PRKDC: variants seen among roughly 807,000 people sequenced by gnomAD.
The protein encoded by PRKDC is DNA-dependent protein kinase catalytic subunit.
Under a neutral mutation model 486.9 loss-of-function variants are expected in PRKDC, and 82 were observed. The observed-to-expected ratio is 0.17, with a 90% confidence interval of 0.14 to 0.20. PRKDC has a LOEUF of 0.20. PRKDC is among the 10% of genes least tolerant of loss of function. The pLI, the probability that PRKDC is intolerant of heterozygous loss-of-function variation, is 1.00. For missense variants in PRKDC, 4,504 were observed against 5,038.2 expected (o/e 0.89, Z 3.21); for synonymous variants, 1,895 against 1,837.0 (o/e 1.03, Z -0.81).
chr8:47,890,517 C>T (rs1357477618), intron 31 of PRKDC, 37 bp from the exon 32 acceptor site: 4 of 1,400,760 alleles, frequency 2.9e-6, no homozygotes, highest in Middle Eastern at 4.4e-4. Context: ...ATATATGCTT[C>T]CTTTCAACTC....
chr8:47,782,289 C>T lies in PRKDC; in HGVS notation c.11397-35G>A. On this transcript the variant is annotated intron_variant, in intron 79 of 85. Transcript: ENST00000314191. This position sits in a 1 kb window ranked among gnomAD's most constrained non-coding sequence, Gnocchi z 4.9. The stretch of plus-strand genomic sequence containing the variant: ...AGAATAAAAGGTTAACGAGTAAACC[C>T]AAACTGCTCTTTCTTCACTAGAAAA... 6.2e-7 allele frequency: 1 copy of T among 1,610,832 alleles called. No individual in the cohort carries two copies. The highest frequency in any genetic ancestry group is 8.5e-7 in the Non-Finnish European group (1 of 1,177,032).
intron 29 of PRKDC, 110 bp downstream of exon 29, chr8:47,898,360 T>C (rs1419455972): frequency 3.5e-6 from 3 of 848,404 alleles, no homozygotes; most frequent in Non-Finnish European, 5.5e-6. Flanking sequence ...ATTCCTTGTT[T>C]AGGAAGTAAT....
intron 54 of PRKDC, among the ~76,000 whole-genome samples, chr8:47,846,476 A>G (rs946489028): frequency 2.0e-5 from 3 of 152,072 alleles, no homozygotes; most frequent in Non-Finnish European, 2.9e-5. Context: ...AAAACCCTCA[A>G]CAAACCAGGC....
At chr8:47,793,083 T>C (rs1416464652) in intron 74 of PRKDC, among the ~76,000 whole-genome samples, 1 of 152,214 alleles carries the variant, frequency 6.6e-6, no homozygotes, top group South Asian at 2.1e-4. Context: ...GAGATCTCAC[T>C]ATGTTGCCAA....
chr8:47,931,493 C>G (rs895441959), intron 16 of PRKDC, among the ~76,000 whole-genome samples: 2 of 150,982 alleles, frequency 1.3e-5, no homozygotes, highest in Admixed American at 6.6e-5. Context: ...TCCCTTTGGG[C>G]AAGTTTTTTT....
chr8:47,798,204 T>A, intron 73 of PRKDC, 33 bp downstream of exon 73: 1 of 1,596,826 alleles, frequency 6.3e-7, no homozygotes, highest in Non-Finnish European at 8.5e-7. Flanking sequence ...TTCTGTAAAG[T>A]TCCTTACCGC....
Position 47,935,050 on chromosome 8 carries a change from C to A in PRKDC, c.1456G>T (p.Gly486Cys). ...RNCISTVVHQ[G>C]LIRICSKPVV... The stretch of plus-strand genomic sequence containing the variant: ...GGTTTAGAACATATTCTGATTAAAC[C>A]CTGATGCACTGAAAAAAGAAAAAGA... The change falls in exon 14 of 86, where the codon GGT becomes TGT. Residue 486 changes from glycine (G) to cysteine (C), a missense_variant. Gly to Cys is a radical substitution (Grantham distance 159). This residue lies in a region of PRKDC where 1,969 missense variants were observed against 2,068.9 expected (regional missense o/e 0.95). Transcript: ENST00000314191. 1 of 1,505,148 alleles carries A rather than the reference C, an allele frequency of 6.6e-7. No homozygotes were observed. The highest frequency in any genetic ancestry group is 8.9e-7 in the Non-Finnish European group (1 of 1,119,790). The allele number at this position is 1,505,148 out of a possible 1,614,324, so 93.2% of individuals were successfully genotyped here.
intron 49 of PRKDC, among the ~76,000 whole-genome samples, chr8:47,856,287 G>A (rs186921826): frequency 1.3e-5 from 2 of 152,244 alleles, no homozygotes; most frequent in Non-Finnish European, 2.9e-5. Flanking sequence ...AGCTACAGTA[G>A]TGCCATTTCA....
Position 47,777,657 on chromosome 8 carries a change from G to C in PRKDC, c.12042+29C>G. 1.9e-6 allele frequency: 3 copies of C among 1,544,288 alleles called. No individual in the cohort carries two copies. In the South Asian group the frequency reaches 3.8e-5, roughly 19 times the overall value. On this transcript the variant is annotated intron_variant, in intron 84 of 85. Coordinates refer to ENST00000314191, the MANE Select transcript of PRKDC (RefSeq NM_006904.7). ...TGATCACGGGGACACTGTCACAAAA[G>C]TGAAAAGTGCACATGAAACAAAACC...
chr8:47,894,130 A>T (rs2089524866), intron 30 of PRKDC, among the ~76,000 whole-genome samples: 1 of 151,996 alleles, frequency 6.6e-6, no homozygotes, highest in Non-Finnish European at 1.5e-5. Flanking sequence ...AAAATACAAA[A>T]ATCAGCCAGG....
chr8:47,890,628 T>C (rs1416202826), intron 31 of PRKDC, 148 bp from the exon 32 acceptor site: 2 of 549,772 alleles, frequency 3.6e-6, no homozygotes, highest in Non-Finnish European at 3.2e-6. Context: ...TAATAATAGC[T>C]GAATAAAGTG....
At chr8:47,951,674 A>G (rs1270542400) in intron 7 of PRKDC, among the ~76,000 whole-genome samples, 4 of 152,178 alleles carry the variant, frequency 2.6e-5, no homozygotes, top group Admixed American at 1.3e-4. Flanking sequence ...TGTTTGAGCC[A>G]CTGCTCTCCA....
intron 7 of PRKDC, among the ~76,000 whole-genome samples, chr8:47,946,893 C>G (rs945563638): frequency 3.3e-5 from 5 of 152,182 alleles, no homozygotes; most frequent in African/African-American, 4.8e-5. Flanking sequence ...CAATCCTACA[C>G]TAACTCACAT....
intron 66 of PRKDC, among the ~76,000 whole-genome samples, chr8:47,819,762 T>A (rs2087541940): frequency 6.6e-6 from 1 of 152,184 alleles, no homozygotes; most frequent in Non-Finnish European, 1.5e-5. Flanking sequence ...AGGCTATCAC[T>A]GCCTCGACTT....
chr8:47,807,713 C>A (rs1350348243), intron 68 of PRKDC, among the ~76,000 whole-genome samples: 1 of 148,214 alleles, frequency 6.7e-6, no homozygotes, highest in South Asian at 2.2e-4. Context: ...CCACCGCACC[C>A]GGCCTACTTA....
intron 19 of PRKDC, 76 bp from the exon 20 acceptor site, chr8:47,927,966 T>C: frequency 8.0e-7 from 1 of 1,257,656 alleles, no homozygotes; most frequent in Non-Finnish European, 1.0e-6. Context: ...GTATTTGCCC[T>C]ATTCTCAAAT....
intron 44 of PRKDC, among the ~76,000 whole-genome samples, chr8:47,861,391 T>C (rs1436801448): frequency 1.3e-5 from 2 of 152,272 alleles, no homozygotes; most frequent in African/African-American, 4.8e-5. Context: ...GTGCTAATTT[T>C]GTTGTTTTTT....
chr8:47,929,730 A>T (rs1234401722), intron 18 of PRKDC, 123 bp downstream of exon 18: 1 of 1,120,342 alleles, frequency 8.9e-7, no homozygotes, highest in Non-Finnish European at 1.2e-6. Flanking sequence ...TTTTTTAAAC[A>T]CATAGAATAA....
In PRKDC at chr8:47,782,058, C is replaced by A; in HGVS notation, c.11489+104G>T. The stretch of plus-strand genomic sequence containing the variant: ...TTGACCCAGCCAGCAGACTGCGGGG[C>A]AGGCAGTGTGGGCTCTCGAGCGCGC... On this transcript the variant is annotated intron_variant, in intron 80 of 85. Coordinates refer to ENST00000314191, the MANE Select transcript of PRKDC (RefSeq NM_006904.7). The surrounding 1 kb of genome is among the most constrained non-coding windows in gnomAD (Gnocchi z 4.9). 1 of 944,116 alleles carries A rather than the reference C, an allele frequency of 1.1e-6. No individual in the cohort carries two copies. Among genetic ancestry groups the A allele is most frequent in the South Asian group, 1.5e-5 (1 of 66,584 alleles). 58.5% of individuals were successfully genotyped at this position (944,116 alleles called of 1,614,324 possible).
Sources: allele counts gnomAD v4.1 joint callset (sites outside exome capture counted in the v4.1 genomes callset), GRCh38; gene constraint gnomAD v4.1.1; regional missense constraint gnomAD v4.1.1; non-coding constraint Gnocchi (gnomAD v3.1); transcripts MANE v1.5; gene names NCBI Gene and HGNC (gene_info 2026-07-23, HGNC 2026-07-21).